Variants in TRIP12 observed in about 807,000 individuals in gnomAD.
TRIP12 encodes E3 ubiquitin-protein ligase TRIP12.
TRIP12 carries 25 observed loss-of-function variants against 244.2 expected under a neutral mutation model. The observed-to-expected ratio is 0.10, with a 90% CI of 0.07 to 0.14. TRIP12 has a LOEUF of 0.14. Ranked by LOEUF, TRIP12 falls within the 10% of genes least tolerant of loss-of-function variation. TRIP12 has a pLI of 1.00. For missense variants in TRIP12, 1,677 were observed against 2,486.4 expected (o/e 0.67, Z 6.92); for synonymous variants, 905 against 873.1 (o/e 1.04, Z -0.64).
intron 9 of TRIP12, among the ~76,000 whole-genome samples, chr2:229,816,325 T>TAA (rs11311195): frequency 8.3e-4 from 117 of 140,686 alleles, no homozygotes; most frequent in Admixed American, 8.5e-4. Context: ...TTTCAGGACT[T>TAA]AAAAAAAAAA....
intron 4 of TRIP12, among the ~76,000 whole-genome samples, chr2:229,846,545 CAA>C (rs1361785886): frequency 6.6e-6 from 1 of 151,852 alleles, no homozygotes; most frequent in African/African-American, 2.4e-5. Context: ...CACTGGGAAA[CAA>C]AAAAATTCAT....
At chr2:229,856,577 T>TA (rs2154333973) in intron 4 of TRIP12, among the ~76,000 whole-genome samples, 1 of 152,220 alleles carries the variant, frequency 6.6e-6, no homozygotes, top group South Asian at 2.1e-4. Flanking sequence ...CTCCTACACA[T>TA]AAGAGATGAG....
chr2:229,864,045 A>AGAGAGAGAGAGAGAGAGT (rs1559957254), intron 2 of TRIP12, among the ~76,000 whole-genome samples: 4 of 67,270 alleles, frequency 5.9e-5, no homozygotes, highest in South Asian at 6.1e-4. Flanking sequence ...AGAGAGAGAG[A>AGAGAGAGAGAGAGAGAGT]GAGTGTGTGT....
intron 4 of TRIP12, among the ~76,000 whole-genome samples, chr2:229,851,107 T>C (rs1027626206): frequency 6.6e-6 from 1 of 152,170 alleles, no homozygotes; most frequent in Non-Finnish European, 1.5e-5. Context: ...TCCGAGCACA[T>C]GGCGCGGGAC....
chr2:229,870,889 T>A (rs2062443414), intron 2 of TRIP12, among the ~76,000 whole-genome samples: 1 of 152,082 alleles, frequency 6.6e-6, no homozygotes, highest in African/African-American at 2.4e-5. Context: ...AACATCCTAA[T>A]CCGGCTAGAC....
chr2:229,877,633 G>A (rs2063859929), intron 2 of TRIP12, among the ~76,000 whole-genome samples: 1 of 152,180 alleles, frequency 6.6e-6, no homozygotes, highest in Admixed American at 6.5e-5. Flanking sequence ...ATGCGCTGTT[G>A]ATAGCCCACA....
intron 9 of TRIP12, among the ~76,000 whole-genome samples, chr2:229,817,672 G>A (rs552569817): frequency 2.0e-5 from 3 of 152,172 alleles, no homozygotes; most frequent in Admixed American, 6.5e-5. Flanking sequence ...AGATTAGAGC[G>A]ATTCTCTGCC....
At chr2:229,910,066 T>C (rs1577080862) in intron 1 of TRIP12, among the ~76,000 whole-genome samples, 1 of 152,340 alleles carries the variant, frequency 6.6e-6, no homozygotes, top group Non-Finnish European at 1.5e-5. Flanking sequence ...ATGATTCTAA[T>C]ACTAGCCCTT....
chr2:229,839,552 G>A (rs1459378523), intron 5 of TRIP12, among the ~76,000 whole-genome samples: 3 of 151,992 alleles, frequency 2.0e-5, no homozygotes, highest in African/African-American at 7.2e-5. Flanking sequence ...GGTGGCGGGC[G>A]CCTATAGTCC....
In TRIP12 at chr2:229,830,835, A is replaced by C. The variant is rs1407382464; in HGVS notation, c.1275T>G (p.Ser425=). 6.2e-7 allele frequency: 1 copy of C among 1,614,034 alleles called. No individual in the cohort carries two copies. The highest frequency in any genetic ancestry group is 1.3e-5 in the African/African-American group (1 of 75,032). Residue 425 remains serine, a synonymous_variant, in exon 7 of 42, where the codon TCT becomes TCG. Coordinates refer to ENST00000675903, the MANE Select transcript of TRIP12 (RefSeq NM_001348323.3). The stretch of plus-strand genomic sequence containing the variant: ...TGCCAACAGCCCCTGCAACAGAACT[A>C]GAGGCTTGGGGTGGAGGGGAAAGAT... The part of the protein sequence containing the change: ...TDEAPQGAAA[S]SSVAGAVGMT...
chr2:229,773,752 A>G (rs2035327525), intron 38 of TRIP12: 2 of 192,642 alleles, frequency 1.0e-5, no homozygotes, highest in South Asian at 2.2e-4. Context: ...TGCCTGGAGT[A>G]AATTCTGTCA....
Position 229,802,411 on chromosome 2 carries a change from G to A in TRIP12, c.3047C>T (p.Thr1016Ile). Residue 1016 changes from threonine to isoleucine, a missense_variant, in exon 21 of 42, where the codon ACA (threonine) becomes ATA (isoleucine). By Grantham distance (89) the Thr-to-Ile change is moderately conservative. Transcript: ENST00000675903. ...KHLAESESLLTSPPKACTNGS... is the reference protein window; with the variant it reads ...KHLAESESLLISPPKACTNGS... The stretch of plus-strand genomic sequence containing the variant: ...ATTCGTACATGCCTTTGGTGGACTT[G>A]TCAACAAAGACTCTGATTCTGCTAA... 3 of 1,613,990 alleles carry A rather than the reference G, an allele frequency of 1.9e-6. No homozygotes were observed. In the African/African-American group the frequency reaches 4.0e-5, roughly 22 times the overall value.
chr2:229,796,194 T>G (rs1232616626), intron 25 of TRIP12, among the ~76,000 whole-genome samples: 2 of 152,252 alleles, frequency 1.3e-5, no homozygotes, highest in African/African-American at 2.4e-5. Context: ...CTGTATTTTA[T>G]GTACAAAACA....
rs137923709 is a variant in TRIP12, at chr2:229,797,784, T to C, written c.3530A>G (p.Glu1177Gly). Residue 1177 changes from glutamate to glycine, a missense_variant, in exon 24 of 42, where the codon GAA (glutamate) becomes GGA (glycine). Coordinates refer to ENST00000675903, the MANE Select transcript of TRIP12 (RefSeq NM_001348323.3). The stretch of plus-strand genomic sequence containing the variant: ...CATATTCTCAGAACTGAAATAACGT[T>C]CTACAAATTTATGTGCCTGCTCCTT... ...WIKEQAHKFV[E>G]RYFSSENMDG... 2.8e-4 allele frequency: 456 copies of C among 1,613,872 alleles called. 1 individual carries two copies. Among genetic ancestry groups the C allele is most frequent in the Non-Finnish European group, 3.8e-4 (444 of 1,179,940 alleles).
At chr2:229,904,538 A>G (rs1439646080) in intron 1 of TRIP12, among the ~76,000 whole-genome samples, 5 of 152,188 alleles carry the variant, frequency 3.3e-5, no homozygotes, top group Non-Finnish European at 7.3e-5. Flanking sequence ...GATGCTCATC[A>G]TATAATAGCA....
rs567378845 is a variant in TRIP12, at chr2:229,918,495, T to C, written c.-50+3385A>G. ...AGCATTATTCCCTAATTGTAATCTCTTACATTAAGTCAATTTCATTAGAGT... is the reference window on the plus strand; with the variant it reads ...AGCATTATTCCCTAATTGTAATCTCCTACATTAAGTCAATTTCATTAGAGT... On this transcript the variant is annotated intron_variant, in intron 1 of 41. Coordinates refer to ENST00000675903, the MANE Select transcript of TRIP12 (RefSeq NM_001348323.3). Among the ~76,000 whole-genome samples the C allele has an allele frequency of 3.9e-5, 6 of 152,348 alleles. No individual in the cohort carries two copies. The Middle Eastern group carries it at 0.014, about 345-fold the overall frequency.
intron 1 of TRIP12, among the ~76,000 whole-genome samples, chr2:229,894,136 C>CA (rs1248585968): frequency 6.6e-6 from 1 of 151,996 alleles, no homozygotes; most frequent in Non-Finnish European, 1.5e-5. Flanking sequence ...GCCTGGGTGA[C>CA]AGAGTGAGAC....
chr2:229,874,496 G>GA (rs2063244978), intron 2 of TRIP12, among the ~76,000 whole-genome samples: 1 of 152,082 alleles, frequency 6.6e-6, no homozygotes, highest in African/African-American at 2.4e-5. Flanking sequence ...AAAATCTGAG[G>GA]AAAAAACCTA....
At chr2:229,894,148 C>G (rs1029479330) in intron 1 of TRIP12, among the ~76,000 whole-genome samples, 1 of 151,756 alleles carries the variant, frequency 6.6e-6, no homozygotes, top group Non-Finnish European at 1.5e-5. Context: ...GAGTGAGACT[C>G]TGGCTCAAAA....
Sources: gnomAD v4.1 joint callset for allele counts (sites outside exome capture counted in the v4.1 genomes callset) on GRCh38, gnomAD v4.1.1 for gene constraint, MANE v1.5 for transcripts, NCBI Gene and HGNC (gene_info 2026-07-23, HGNC 2026-07-21) for gene names.